The following FRMPD4 variants were observed in gnomAD, a reference collection of about 807,000 sequenced individuals.
FRMPD4 encodes FERM and PDZ domain-containing protein 4.
Under a neutral mutation model 94.1 loss-of-function variants are expected in FRMPD4, and 22 were observed. The ratio of observed to expected loss-of-function variants is 0.23; its 90% confidence interval spans 0.17 to 0.33. The LOEUF (loss-of-function observed/expected upper bound fraction) is 0.33. FRMPD4 is among the 10% of genes least tolerant of loss of function. FRMPD4 has a pLI of 1.00. For missense variants in FRMPD4, 1,111 were observed against 1,339.9 expected, an observed-to-expected ratio of 0.83 and a Z score of 2.67; for synonymous variants, 631 against 548.6, an observed-to-expected ratio of 1.15 and a Z score of -2.10.
chrX:12,387,115 G>A (rs1166160696), intron 1 of FRMPD4, among the ~76,000 whole-genome samples: 3 of 111,994 alleles, frequency 2.7e-5, no homozygotes, highest in Non-Finnish European at 5.6e-5. Context: ...ACCGAGTTAA[G>A]AAATCTTAAA....
At chrX:12,317,585 C>CAAAAAAAAAAAAAAAAAAAA (rs376884335) in intron 1 of FRMPD4, among the ~76,000 whole-genome samples, 5 of 42,421 alleles carry the variant, frequency 1.2e-4, no homozygotes, top group Admixed American at 3.2e-4. Flanking sequence ...AACTAAATAG[C>CAAAAAAAAAAAAAAAAAAAA]AAAAAAAAAA....
intron 3 of FRMPD4, among the ~76,000 whole-genome samples, chrX:12,071,438 G>T (rs1046528461): frequency 2.7e-5 from 3 of 111,533 alleles, no homozygotes; most frequent in Non-Finnish European, 3.8e-5. Flanking sequence ...TCTTTATAAG[G>T]CATTTTATTT....
intron 2 of FRMPD4, chrX:12,583,522 C>T: frequency 9.3e-7 from 1 of 1,073,775 alleles, no homozygotes; most frequent in Non-Finnish European, 1.3e-6. Flanking sequence ...CGGGAGCGTT[C>T]CCATATTATG....
intron 1 of FRMPD4, among the ~76,000 whole-genome samples, chrX:12,346,545 A>G (rs763966508): frequency 1.2e-4 from 13 of 111,860 alleles, no homozygotes; most frequent in South Asian, 3.7e-4. Context: ...CGCTGCGTAG[A>G]TTATTAATAA....
At chrX:12,231,054 T>TATATATATAAA (rs1569199838) in intron 1 of FRMPD4, among the ~76,000 whole-genome samples, 1 of 66,931 alleles carries the variant, frequency 1.5e-5, no homozygotes, top group Admixed American at 2.1e-4. Context: ...ATATAAAATA[T>TATATATATAAA]ATATATATAT....
intron 13 of FRMPD4, among the ~76,000 whole-genome samples, chrX:12,708,004 G>A (rs1038701116): frequency 7.1e-5 from 8 of 111,974 alleles, no homozygotes; most frequent in African/African-American, 2.6e-4. Flanking sequence ...CAAATCAAGA[G>A]GGAGATTTTT....
At chrX:12,084,722 T>C (rs1421959816) in intron 3 of FRMPD4, among the ~76,000 whole-genome samples, 1 of 112,217 alleles carries the variant, frequency 8.9e-6, no homozygotes, top group Non-Finnish European at 1.9e-5. Flanking sequence ...TCTTCTTACA[T>C]AGGAAAATTC....
intron 2 of FRMPD4, among the ~76,000 whole-genome samples, chrX:12,593,643 A>T (rs973117706): frequency 9.0e-6 from 1 of 111,555 alleles, no homozygotes; most frequent in African/African-American, 3.2e-5. Flanking sequence ...CTTTTTACTC[A>T]ACTTTCTGGA....
chrX:12,457,969 C>T (rs752342438), intron 1 of FRMPD4, among the ~76,000 whole-genome samples: 1 of 111,514 alleles, frequency 9.0e-6, no homozygotes, highest in East Asian at 2.8e-4. Context: ...CCAAAATGTT[C>T]CCTCCATCAC....
intron 4 of FRMPD4, among the ~76,000 whole-genome samples, chrX:12,651,141 A>G: frequency 8.9e-6 from 1 of 112,513 alleles, no homozygotes. Flanking sequence ...TATAAAATCT[A>G]GATGCTTCAC....
At chrX:11,951,288 A>G (rs1158517395) in intron 3 of FRMPD4, among the ~76,000 whole-genome samples, 1 of 111,021 alleles carries the variant, frequency 9.0e-6, no homozygotes, top group Non-Finnish European at 1.9e-5. Context: ...AGACACATGC[A>G]CATGTATGTT....
In FRMPD4 at chrX:12,674,873, G is replaced by C; in HGVS notation, c.433G>C (p.Glu145Gln). The stretch of plus-strand genomic sequence containing the variant: ...TTTTCTCTCTTACAGAAGCTGCAAA[G>C]AATCGATACTCCTCACTGTCATTCA... ...RVIDLVRSCK[E>Q]SILLTVIQPY... Residue 145 changes from glutamate (E) to glutamine (Q), a missense_variant, in exon 5 of 17, where the codon GAA (glutamate) becomes CAA (glutamine). By Grantham distance (29) the Glu-to-Gln change is conservative (BLOSUM62 2). This residue lies in a region of FRMPD4 where 140 missense variants were observed against 165.9 expected (regional missense o/e 0.84). Coordinates refer to ENST00000675598, the MANE Select transcript of FRMPD4 (RefSeq NM_001368397.1). The C allele has an allele frequency of 1.7e-6, 2 of 1,165,136 alleles. No homozygotes were observed. Among genetic ancestry groups the C allele is most frequent in the Non-Finnish European group, 2.3e-6 (2 of 852,969 alleles).
intron 1 of FRMPD4, among the ~76,000 whole-genome samples, chrX:12,270,022 T>G (rs767860431): frequency 1.2e-4 from 13 of 112,207 alleles, no homozygotes; most frequent in African/African-American, 4.2e-4. Context: ...TTTCCAAAAT[T>G]CTAATGCACT....
At chrX:12,608,426 G>A (rs763067367) in intron 2 of FRMPD4, among the ~76,000 whole-genome samples, 17 of 112,860 alleles carry the variant, frequency 1.5e-4, no homozygotes, top group Middle Eastern at 4.2e-3. Flanking sequence ...TTTGAGTTGG[G>A]ATTATTGATA....
chrX:12,248,604 TTATAC>T (rs2053988675), intron 1 of FRMPD4, among the ~76,000 whole-genome samples: 2 of 112,630 alleles, frequency 1.8e-5, no homozygotes, highest in South Asian at 7.3e-4. Flanking sequence ...CTTTTCATAA[TTATAC>T]TATAACAAAT....
At chrX:12,558,445 G>T (rs116138612) in intron 2 of FRMPD4, among the ~76,000 whole-genome samples, 5,363 of 112,635 alleles carry the variant, frequency 0.048, 348 homozygotes, top group African/African-American at 0.16. Context: ...AGAAAGTAAT[G>T]CATATATTAT....
intron 1 of FRMPD4, among the ~76,000 whole-genome samples, chrX:12,364,957 C>CT (rs2056052857): frequency 8.9e-6 from 1 of 112,609 alleles, no homozygotes; most frequent in South Asian, 3.6e-4. Context: ...CTTCCAGCTC[C>CT]TGACCTCACC....
chrX:12,721,274 G>A lies in FRMPD4; in HGVS notation c.4705G>A (p.Ala1569Thr). 1.3e-6 allele frequency: 1 copy of A among 755,610 alleles called. No homozygotes were observed. The highest frequency in any genetic ancestry group is 1.6e-6 in the Non-Finnish European group (1 of 638,902). The allele number at this position is 755,610 out of a possible 1,213,427, so 62.3% of individuals were successfully genotyped here. Residue 1569 changes from alanine to threonine, a missense_variant, in exon 17 of 17, where the codon GCA becomes ACA. Around this residue, in one of 8 missense-constraint regions of FRMPD4, gnomAD observed 551 missense variants for 591.6 expected, o/e 0.93. Coordinates refer to ENST00000675598, the MANE Select transcript of FRMPD4 (RefSeq NM_001368397.1). Reference protein sequence around the residue: ...LSRGSVLKVWAEDLRDPDDLD... With the variant: ...LSRGSVLKVWTEDLRDPDDLD... ...CAGAGGGTCAGTGCTGAAGGTCTGG[G>A]CAGAAGACCTGCGAGACCCAGATGA...
intron 1 of FRMPD4, among the ~76,000 whole-genome samples, chrX:12,491,114 C>T (rs1360349524): frequency 2.7e-5 from 3 of 110,806 alleles, no homozygotes; most frequent in African/African-American, 9.9e-5. Context: ...TCAGTACTTC[C>T]TCTCTACAAT....
Sources: gnomAD v4.1 joint callset for allele counts (sites outside exome capture counted in the v4.1 genomes callset) on GRCh38, gnomAD v4.1.1 for gene constraint, gnomAD v4.1.1 regional missense constraint, MANE v1.5 for transcripts, NCBI Gene and HGNC (gene_info 2026-07-23, HGNC 2026-07-21) for gene names.